APBA1: variants seen among roughly 807,000 people sequenced by gnomAD.
APBA1 encodes the protein amyloid beta precursor protein binding family A member 1.
A neutral mutation model predicts 86.6 loss-of-function variants in APBA1; 55 were observed. That is an observed-to-expected ratio of 0.64 (90% CI 0.51 to 0.80). The LOEUF (loss-of-function observed/expected upper bound fraction) is 0.80, where lower values mean the gene tolerates loss of function less well. APBA1 is among the 30% of genes least tolerant of loss of function. The pLI, the probability that APBA1 is intolerant of heterozygous loss-of-function variation, is 0.00. For missense variants in APBA1, 1,090 were observed against 1,183.0 expected, an observed-to-expected ratio of 0.92 and a Z score of 1.15; for synonymous variants, 511 against 493.9, an observed-to-expected ratio of 1.03 and a Z score of -0.46.
chr9:69,594,438 C>G (rs1822191196), intron 1 of APBA1, among the ~76,000 whole-genome samples: 2 of 152,100 alleles, frequency 1.3e-5, no homozygotes, highest in African/African-American at 4.8e-5. Context: ...AACAGGACTT[C>G]TTATCTATCC....
chr9:69,486,524 C>T (rs1835612447), intron 2 of APBA1, among the ~76,000 whole-genome samples: 1 of 152,022 alleles, frequency 6.6e-6, no homozygotes, highest in Non-Finnish European at 1.5e-5. Context: ...AGCAGGTGGC[C>T]AGGATGTTGT....
At chr9:69,558,564 A>G (rs779803562) in intron 1 of APBA1, among the ~76,000 whole-genome samples, 16 of 70,958 alleles carry the variant, frequency 2.3e-4, no homozygotes, top group Non-Finnish European at 4.0e-4. Context: ...ACACACACAT[A>G]TATATATATA....
In APBA1 at chr9:69,616,887, T is replaced by G. The variant is rs1576508; in HGVS notation, c.-70+55266A>C. On this transcript the variant is annotated intron_variant, in intron 1 of 12. Coordinates refer to ENST00000265381, the MANE Select transcript of APBA1 (RefSeq NM_001163.4). Reference sequence around the variant, plus strand: ...AGTTATCAGAATCAAAATGGAGTCATATTTTAAGATGTTTAAGACCCTGAC... The same window carrying G: ...AGTTATCAGAATCAAAATGGAGTCAGATTTTAAGATGTTTAAGACCCTGAC... Among the ~76,000 whole-genome samples, 6 of 152,248 alleles carry G rather than the reference T, an allele frequency of 3.9e-5. No individual in the cohort carries two copies. In the East Asian group the frequency reaches 1.2e-3, roughly 29 times the overall value.
At chr9:69,542,288 G>A (rs900994362) in intron 1 of APBA1, among the ~76,000 whole-genome samples, 12 of 152,140 alleles carry the variant, frequency 7.9e-5, no homozygotes, top group Admixed American at 2.6e-4. Flanking sequence ...AAAGTCCATC[G>A]TTTACTTGGG....
chr9:69,574,275 T>C (rs902749947), intron 1 of APBA1, among the ~76,000 whole-genome samples: 9 of 152,312 alleles, frequency 5.9e-5, no homozygotes, highest in African/African-American at 1.9e-4. Context: ...GTTCCCAGAA[T>C]AGTTCTGAGC....
At chr9:69,471,080 T>C (rs1564044729) in intron 4 of APBA1, among the ~76,000 whole-genome samples, 1 of 152,172 alleles carries the variant, frequency 6.6e-6, no homozygotes, top group Non-Finnish European at 1.5e-5. Context: ...GATGCCTCAG[T>C]TGTCTCATTA....
chr9:69,486,645 TGTGG>T (rs1306813872), intron 2 of APBA1, among the ~76,000 whole-genome samples: 1 of 151,902 alleles, frequency 6.6e-6, no homozygotes, highest in Non-Finnish European at 1.5e-5. Flanking sequence ...CTGAACACCA[TGTGG>T]TCTTCACAGA....
intron 1 of APBA1, among the ~76,000 whole-genome samples, chr9:69,594,386 G>A (rs1822190733): frequency 6.6e-6 from 1 of 152,158 alleles, no homozygotes; most frequent in Non-Finnish European, 1.5e-5. Flanking sequence ...TTGGGCCCCA[G>A]TCTCCTCTGG....
intron 1 of APBA1, among the ~76,000 whole-genome samples, chr9:69,589,555 G>A (rs1822088007): frequency 6.6e-6 from 1 of 152,150 alleles, no homozygotes; most frequent in Admixed American, 6.6e-5. Context: ...AAGGAAGGGT[G>A]GGGGTCTCAG....
At chr9:69,523,629 T>C (rs1016162346) in intron 1 of APBA1, among the ~76,000 whole-genome samples, 2 of 150,466 alleles carry the variant, frequency 1.3e-5, no homozygotes, top group Non-Finnish European at 3.0e-5. Flanking sequence ...ACAATAGTAG[T>C]AGGGGACTTC....
At chr9:69,631,016 T>G (rs1487882378) in intron 1 of APBA1, among the ~76,000 whole-genome samples, 4 of 152,192 alleles carry the variant, frequency 2.6e-5, no homozygotes, top group Admixed American at 6.5e-5. Context: ...TCTTCTCACC[T>G]GTAAAATAGG....
intron 1 of APBA1, among the ~76,000 whole-genome samples, chr9:69,552,394 T>C (rs1309230947): frequency 6.6e-6 from 1 of 152,226 alleles, no homozygotes; most frequent in Non-Finnish European, 1.5e-5. Flanking sequence ...AAAATGAAGA[T>C]GTCCTGCACG....
chr9:69,537,040 A>C (rs981920204), intron 1 of APBA1, among the ~76,000 whole-genome samples: 1 of 134,714 alleles, frequency 7.4e-6, no homozygotes, highest in African/African-American at 2.8e-5. Context: ...ACTACGCACT[A>C]AGATATATAT....
intron 1 of APBA1, among the ~76,000 whole-genome samples, chr9:69,638,651 T>C (rs1823226580): frequency 6.6e-6 from 1 of 152,208 alleles, no homozygotes; most frequent in African/African-American, 2.4e-5. Flanking sequence ...TTAAATAGTT[T>C]AAAGAACCAC....
In APBA1 at chr9:69,452,293, C is replaced by A; in HGVS notation, c.1797G>T (p.Leu599=). 1 of 1,614,122 alleles carries A rather than the reference C, an allele frequency of 6.2e-7. No individual in the cohort carries two copies. Among genetic ancestry groups the A allele is most frequent in the Non-Finnish European group, 8.5e-7 (1 of 1,179,988 alleles). Residue 599 remains leucine (L), a synonymous_variant, in exon 9 of 13, where the codon CTG becomes CTT. Coordinates refer to ENST00000265381, the MANE Select transcript of APBA1 (RefSeq NM_001163.4). ...ATGCCTGTCCGATGGACTGTGCAAT[C>A]AGCTGAGCCTGGAACAGCAGCCAGA... is the stretch of plus-strand genomic sequence containing the variant. ...CHVFESEDAQ[L]IAQSIGQAFS...
At chr9:69,637,874 T>C (rs773945131) in intron 1 of APBA1, among the ~76,000 whole-genome samples, 30 of 152,008 alleles carry the variant, frequency 2.0e-4, no homozygotes, top group Admixed American at 1.9e-3. Flanking sequence ...AAATTCTACA[T>C]AGAAAAAAGG....
chr9:69,632,917 C>T (rs1823077553), intron 1 of APBA1, among the ~76,000 whole-genome samples: 1 of 152,144 alleles, frequency 6.6e-6, no homozygotes, highest in Middle Eastern at 3.4e-3. Context: ...GACACATTGG[C>T]AGGAGATAGG....
At chr9:69,527,182 A>G (rs1836356020) in intron 1 of APBA1, among the ~76,000 whole-genome samples, 2 of 152,122 alleles carry the variant, frequency 1.3e-5, no homozygotes, top group Admixed American at 1.3e-4. Flanking sequence ...ATCATGCAGT[A>G]TACCCAGATA....
At chr9:69,600,276 T>C (rs557958064) in intron 1 of APBA1, among the ~76,000 whole-genome samples, 2 of 152,332 alleles carry the variant, frequency 1.3e-5, no homozygotes, top group African/African-American at 4.8e-5. Flanking sequence ...AACAGCACCA[T>C]GGTTTAGGAC....
Sources: gnomAD v4.1 joint callset for allele counts (sites outside exome capture counted in the v4.1 genomes callset) on GRCh38, gnomAD v4.1.1 for gene constraint, MANE v1.5 for transcripts, NCBI Gene and HGNC (gene_info 2026-07-23, HGNC 2026-07-21) for gene names.